HTR5A: variants seen among roughly 807,000 people sequenced by gnomAD.
The protein encoded by HTR5A is 5-hydroxytryptamine receptor 5A, also known as 5-HT-5.
In HTR5A, 21 loss-of-function variants were observed where a neutral mutation model predicts 24.3. That is an observed-to-expected ratio of 0.86 (90% CI 0.61 to 1.24). The LOEUF is 1.24. Among genes scored for constraint, HTR5A ranks in the 50% most tolerant of loss-of-function variants. The pLI is 0.00. For synonymous variants in HTR5A, 260 were observed against 213.7 expected, an observed-to-expected ratio of 1.22 and a Z score of -1.89; for missense variants, 497 against 489.5, an observed-to-expected ratio of 1.02 and a Z score of -0.15.
intron 1 of HTR5A, among the ~76,000 whole-genome samples, chr7:155,081,129 C>A (rs955828208): frequency 6.6e-6 from 1 of 152,124 alleles, no homozygotes; most frequent in Admixed American, 6.6e-5. Context: ...ATGTGTAAGG[C>A]CATTTTTAGC....
chr7:155,070,399 C>T lies in HTR5A; in HGVS notation c.-501C>T, dbSNP rs1287831084. ...GGGACAGAAGGCAGGTCCCAGAAAG[C>T]AGGTTCCCCCAAAACTGGCTTCCCT... is the stretch of plus-strand genomic sequence containing the variant. On this transcript the variant is annotated 5_prime_UTR_variant, in exon 1 of 2. Coordinates refer to ENST00000287907, the MANE Select transcript of HTR5A (RefSeq NM_024012.4). 1 of 455,580 alleles carries T rather than the reference C, an allele frequency of 2.2e-6. No homozygotes were observed. Among genetic ancestry groups the T allele is most frequent in the Admixed American group, 2.4e-5 (1 of 42,434 alleles). 28.2% of individuals were successfully genotyped at this position (455,580 alleles called of 1,614,324 possible).
chr7:155,074,447 C>T (rs1379027855), intron 1 of HTR5A, among the ~76,000 whole-genome samples: 6 of 152,278 alleles, frequency 3.9e-5, no homozygotes, highest in South Asian at 2.1e-4. Flanking sequence ...TGGAGCCTCA[C>T]GGATTGGTGG....
intron 1 of HTR5A, among the ~76,000 whole-genome samples, chr7:155,073,889 G>GTATATA (rs1169692099): frequency 3.1e-3 from 30 of 9,678 alleles, no homozygotes; most frequent in African/African-American, 3.9e-3. Context: ...ATATATATAT[G>GTATATA]TATATATATA....
chr7:155,077,466 GTTT>G (rs11324160), intron 1 of HTR5A, among the ~76,000 whole-genome samples: 2 of 103,346 alleles, frequency 1.9e-5, no homozygotes, highest in Non-Finnish European at 4.3e-5. Context: ...TTTTTTTTTT[GTTT>G]TTTTTTTTTT....
chr7:155,084,064 A>T, intron 1 of HTR5A, 91 bp from the exon 2 acceptor site: 1 of 1,008,932 alleles, frequency 9.9e-7, no homozygotes, highest in Non-Finnish European at 1.4e-6. Flanking sequence ...CCTTGAGTGG[A>T]TGTGCGGAAT....
At chr7:155,075,454 T>C (rs960124560) in intron 1 of HTR5A, among the ~76,000 whole-genome samples, 3 of 152,218 alleles carry the variant, frequency 2.0e-5, no homozygotes, top group African/African-American at 7.2e-5. Context: ...TAAACAAGAA[T>C]AATTATAAAT....
At chr7:155,072,595 T>C (rs533977346) in intron 1 of HTR5A, among the ~76,000 whole-genome samples, 1 of 152,208 alleles carries the variant, frequency 6.6e-6, no homozygotes, top group Non-Finnish European at 1.5e-5. Context: ...ATTCCTTGAA[T>C]CTAATTCACA....
At chr7:155,082,171 C>A (rs1415303470) in intron 1 of HTR5A, among the ~76,000 whole-genome samples, 1 of 151,580 alleles carries the variant, frequency 6.6e-6, no homozygotes, top group East Asian at 1.9e-4. Flanking sequence ...TGAACGACAT[C>A]CACACTGTGA....
In HTR5A at chr7:155,086,032, A is replaced by AT; in HGVS notation, c.*1550dup. 6.6e-6 allele frequency among the ~76,000 whole-genome samples: 1 copy of AT among 152,262 alleles called. No homozygotes were observed. The highest frequency in any genetic ancestry group is 6.5e-5 in the Admixed American group (1 of 15,294). ...AGAATTTATTTAGAAACGTCCTTAGATTTTTCATCTGTATATATCACTTGA... is the reference window on the plus strand; with the variant it reads ...AGAATTTATTTAGAAACGTCCTTAGATTTTTTCATCTGTATATATCACTTGA... On this transcript the variant is annotated 3_prime_UTR_variant, in exon 2 of 2. Transcript: ENST00000287907.
intron 1 of HTR5A, among the ~76,000 whole-genome samples, chr7:155,072,277 T>A (rs958070649): frequency 1.3e-5 from 2 of 152,210 alleles, no homozygotes; most frequent in African/African-American, 4.8e-5. Context: ...GCATTTGTTA[T>A]CTGCTTCCAC....
At chr7:155,081,662 C>A (rs1795419384) in intron 1 of HTR5A, among the ~76,000 whole-genome samples, 1 of 152,136 alleles carries the variant, frequency 6.6e-6, no homozygotes, top group Non-Finnish European at 1.5e-5. Flanking sequence ...TGTCCAGATT[C>A]AATTAAGTGC....
intron 1 of HTR5A, chr7:155,077,188 A>C (rs1474784668): frequency 6.6e-6 from 1 of 152,202 alleles, no homozygotes; most frequent in African/African-American, 2.4e-5. Context: ...CATCATGAAC[A>C]AGGGCTGCAG....
chr7:155,076,048 C>G (rs1000270922), intron 1 of HTR5A, among the ~76,000 whole-genome samples: 10 of 152,210 alleles, frequency 6.6e-5, no homozygotes, highest in Admixed American at 2.0e-4. Flanking sequence ...CATTGAGACA[C>G]TTAACGTCAG....
At chr7:155,073,888 T>TAC (rs150509281) in intron 1 of HTR5A, among the ~76,000 whole-genome samples, 25 of 7,090 alleles carry the variant, frequency 3.5e-3, no homozygotes, top group African/African-American at 3.8e-3. Flanking sequence ...TATATATATA[T>TAC]GTATATATAT....
At chr7:155,074,422 C>T (rs372866636) in intron 1 of HTR5A, among the ~76,000 whole-genome samples, 4 of 152,158 alleles carry the variant, frequency 2.6e-5, no homozygotes, top group Admixed American at 6.5e-5. Flanking sequence ...CCTGAAACTG[C>T]GCTTTTGGGA....
At position 155,085,013 on chromosome 7, in the gene HTR5A, A is replaced by G. The variant is rs1398886238; in HGVS notation, c.*526A>G. The stretch of plus-strand genomic sequence containing the variant: ...ATGACCCAAGAGTTGACCACAAAAC[A>G]CTGTCTCCAAATATATTAAAGTATA... On this transcript the variant is annotated 3_prime_UTR_variant, in exon 2 of 2. Transcript: ENST00000287907. 2.0e-5 allele frequency: 3 copies of G among 153,422 alleles called. No homozygotes were observed. Among genetic ancestry groups the G allele is most frequent in the Admixed American group, 1.3e-4 (2 of 15,416 alleles). 9.5% of individuals were successfully genotyped at this position (153,422 alleles called of 1,614,324 possible).
In HTR5A at chr7:155,084,888, C is replaced by T. The variant is rs1302009627; in HGVS notation, c.*401C>T. On this transcript the variant is annotated 3_prime_UTR_variant, in exon 2 of 2. Coordinates refer to ENST00000287907, the MANE Select transcript of HTR5A (RefSeq NM_024012.4). ...AAGAATGAACAAGTCATGATGTAGA[C>T]CTCTGAGGGTAGGAGACCATAGTTC... 1.6e-5 allele frequency: 3 copies of T among 182,998 alleles called. No individual in the cohort carries two copies. The highest frequency in any genetic ancestry group is 3.4e-5 in the Non-Finnish European group (3 of 88,492). The allele number at this position is 182,998 out of a possible 1,614,324, so 11.3% of individuals were successfully genotyped here.
At chr7:155,084,114 C>T in intron 1 of HTR5A, 41 bp from the exon 2 acceptor site, 1 of 1,488,248 alleles carries the variant, frequency 6.7e-7, no homozygotes, top group Non-Finnish European at 9.1e-7. Flanking sequence ...AGCAGGTAGA[C>T]TGAGGTGGCT....
At position 155,086,129 on chromosome 7, in the gene HTR5A, G is replaced by A. The variant is rs1475229803; in HGVS notation, c.*1642G>A. Among the ~76,000 whole-genome samples, 1 of 152,082 alleles carries A rather than the reference G, an allele frequency of 6.6e-6. No homozygotes were observed. The highest frequency in any genetic ancestry group is 1.5e-5 in the Non-Finnish European group (1 of 68,008). On this transcript the variant is annotated 3_prime_UTR_variant, in exon 2 of 2. Coordinates refer to ENST00000287907, the MANE Select transcript of HTR5A (RefSeq NM_024012.4). ...AAGTTACTTTTCCCCATTATTACTC[G>A]AAATCAGAGAGAATAACAAATGCTA...
Sources: gnomAD v4.1 joint callset for allele counts (sites outside exome capture counted in the v4.1 genomes callset) on GRCh38, gnomAD v4.1.1 for gene constraint, MANE v1.5 for transcripts, NCBI Gene and HGNC (gene_info 2026-07-23, HGNC 2026-07-21) for gene names.